The following OPCML variants were observed in gnomAD, a reference collection of about 807,000 sequenced individuals.
OPCML encodes opioid-binding protein/cell adhesion molecule.
A neutral mutation model predicts 37.8 loss-of-function variants in OPCML; 13 were observed. That is an observed-to-expected ratio of 0.34 (90% CI 0.22 to 0.55). The LOEUF is 0.55. OPCML is among the 20% of genes least tolerant of loss of function. The probability of loss-of-function intolerance (pLI) is 0.91; values close to 1 mark genes in which losing one functional copy is unlikely to be tolerated. For synonymous variants in OPCML, 176 were observed against 168.8 expected (o/e 1.04, Z -0.33); for missense variants, 341 against 435.6 (o/e 0.78, Z 1.93).
chr11:132,902,268 G>A (rs1367439443), intron 2 of OPCML, among the ~76,000 whole-genome samples: 1 of 152,148 alleles, frequency 6.6e-6, no homozygotes, highest in African/African-American at 2.4e-5. Context: ...TTAGCCCGAT[G>A]GGGATGGGGC....
At position 132,718,891 on chromosome 11, in the gene OPCML, G is replaced by A. The variant is rs77867479; in HGVS notation, c.147-61572C>T. 8.7e-3 allele frequency among the ~76,000 whole-genome samples: 1,326 copies of A among 152,326 alleles called. 10 individuals are homozygous for A. Among genetic ancestry groups the A allele is most frequent in the South Asian group, 0.017 (81 of 4,824 alleles). On this transcript the variant is annotated intron_variant, in intron 2 of 7. Coordinates refer to ENST00000524381, the MANE Select transcript of OPCML (RefSeq NM_001012393.5). ...AAATTTTATCAACAGATGAGCATCTGAGCACGTTGCTAGGGCTCCTCGCCA... is the reference window on the plus strand; with the variant it reads ...AAATTTTATCAACAGATGAGCATCTAAGCACGTTGCTAGGGCTCCTCGCCA...
At chr11:132,444,273 T>C (rs919533007) in intron 4 of OPCML, among the ~76,000 whole-genome samples, 2 of 152,144 alleles carry the variant, frequency 1.3e-5, no homozygotes, top group African/African-American at 4.8e-5. Context: ...GTGGACAGGG[T>C]GGAGGAAAGC....
chr11:132,835,010 AAAG>A (rs1940929082), intron 2 of OPCML, among the ~76,000 whole-genome samples: 1 of 150,374 alleles, frequency 6.7e-6, no homozygotes, highest in Non-Finnish European at 1.5e-5. Flanking sequence ...AAAAACATGG[AAAG>A]GAGGGGGACC....
chr11:132,973,812 G>GCTCT (rs1370532520), intron 1 of OPCML, among the ~76,000 whole-genome samples: 1 of 151,986 alleles, frequency 6.6e-6, no homozygotes, highest in Non-Finnish European at 1.5e-5. Flanking sequence ...TCTCCCCTTT[G>GCTCT]CTCTCGGCAG....
chr11:133,402,259 ACC>A (rs1320727695), intron 1 of OPCML, among the ~76,000 whole-genome samples: 1 of 151,750 alleles, frequency 6.6e-6, no homozygotes, highest in Non-Finnish European at 1.5e-5. Flanking sequence ...ATAAAAAAAA[ACC>A]CTTCTGGCAA....
chr11:133,122,772 A>T (rs1358599047), intron 1 of OPCML, among the ~76,000 whole-genome samples: 1 of 152,188 alleles, frequency 6.6e-6, no homozygotes, highest in Non-Finnish European at 1.5e-5. Flanking sequence ...CTCAACTAGA[A>T]AATTCAACAT....
chr11:133,130,906 A>G (rs1949593864), intron 1 of OPCML, among the ~76,000 whole-genome samples: 1 of 152,204 alleles, frequency 6.6e-6, no homozygotes. Flanking sequence ...AAATGAATCT[A>G]GACATAGACC....
chr11:133,389,008 G>A (rs1007426613), intron 1 of OPCML, among the ~76,000 whole-genome samples: 3 of 152,176 alleles, frequency 2.0e-5, no homozygotes, highest in African/African-American at 7.2e-5. Flanking sequence ...AAGTCACTCA[G>A]CTAATTTTGA....
chr11:132,546,080 T>G (rs944791709), intron 3 of OPCML, among the ~76,000 whole-genome samples: 1 of 152,172 alleles, frequency 6.6e-6, no homozygotes, highest in Admixed American at 6.5e-5. Flanking sequence ...TAACTAAATT[T>G]TTAAACGTTT....
intron 2 of OPCML, among the ~76,000 whole-genome samples, chr11:132,817,985 A>G (rs537975405): frequency 5.3e-5 from 8 of 152,350 alleles, no homozygotes; most frequent in Admixed American, 1.3e-4. Context: ...CTAAGTTGAC[A>G]TCTGATAGAA....
intron 1 of OPCML, among the ~76,000 whole-genome samples, chr11:133,083,459 G>A (rs2137037647): frequency 6.6e-6 from 1 of 152,332 alleles, no homozygotes; most frequent in Non-Finnish European, 1.5e-5. Flanking sequence ...CCCAGCCTGG[G>A]AAGGGCCAGA....
At chr11:132,514,696 T>C (rs2096276018) in intron 4 of OPCML, among the ~76,000 whole-genome samples, 1 of 152,188 alleles carries the variant, frequency 6.6e-6, no homozygotes, top group Non-Finnish European at 1.5e-5. Flanking sequence ...TCATGCCTTC[T>C]GGGACAGAAA....
intron 1 of OPCML, among the ~76,000 whole-genome samples, chr11:132,990,062 C>T (rs901593873): frequency 1.3e-5 from 2 of 152,144 alleles, no homozygotes; most frequent in Non-Finnish European, 1.5e-5. Flanking sequence ...TGCCACCCTG[C>T]GTAGGAACAT....
intron 7 of OPCML, among the ~76,000 whole-genome samples, chr11:132,423,062 G>C (rs769853124): frequency 3.9e-5 from 6 of 152,190 alleles, no homozygotes; most frequent in Non-Finnish European, 8.8e-5. Flanking sequence ...CCAGGTGTTA[G>C]GAGAGATAGT....
At chr11:133,289,305 C>T (rs1942392506) in intron 1 of OPCML, among the ~76,000 whole-genome samples, 1 of 152,104 alleles carries the variant, frequency 6.6e-6, no homozygotes, top group Non-Finnish European at 1.5e-5. Context: ...TTAAAATTGA[C>T]ATATTAGTGG....
At position 133,122,144 on chromosome 11, in the gene OPCML, G is replaced by T. The variant is rs140233955; in HGVS notation, c.62-179134C>A. Among the ~76,000 whole-genome samples, 771 of 152,292 alleles carry T rather than the reference G, an allele frequency of 5.1e-3. 2 individuals carry two copies. Among genetic ancestry groups the T allele is most frequent in the African/African-American group, 0.018 (750 of 41,548 alleles). On this transcript the variant is annotated intron_variant, in intron 1 of 7. Coordinates refer to ENST00000524381, the MANE Select transcript of OPCML (RefSeq NM_001012393.5). Reference sequence around the variant, plus strand: ...CCTGGTAATAGTAGAGATAACACTAGTCGAATATGGGTAGTTGTCCTTGTC... The same window carrying T: ...CCTGGTAATAGTAGAGATAACACTATTCGAATATGGGTAGTTGTCCTTGTC...
intron 1 of OPCML, among the ~76,000 whole-genome samples, chr11:133,479,912 C>T (rs1947337272): frequency 6.6e-6 from 1 of 152,220 alleles, no homozygotes; most frequent in Non-Finnish European, 1.5e-5. Flanking sequence ...GATCTCTAAG[C>T]TTGCCTTGCT....
intron 2 of OPCML, among the ~76,000 whole-genome samples, chr11:132,842,760 G>A (rs1438089560): frequency 6.6e-6 from 1 of 152,206 alleles, no homozygotes; most frequent in Non-Finnish European, 1.5e-5. Context: ...AAAGCCACCT[G>A]TACAAGAGTG....
intron 2 of OPCML, chr11:132,772,564 G>A (rs955466280): frequency 2.6e-5 from 4 of 152,254 alleles, no homozygotes; most frequent in Non-Finnish European, 5.9e-5. Flanking sequence ...GTGGGTCCGG[G>A]AGCAGGGCTG....
Sources: gnomAD v4.1 joint callset for allele counts (sites outside exome capture counted in the v4.1 genomes callset) on GRCh38, gnomAD v4.1.1 for gene constraint, MANE v1.5 for transcripts, NCBI Gene and HGNC (gene_info 2026-07-23, HGNC 2026-07-21) for gene names.